The following DIP2C variants were observed in gnomAD, a reference collection of about 807,000 sequenced individuals.
The protein encoded by DIP2C is disco-interacting protein 2 homolog C.
A neutral mutation model predicts 192.4 loss-of-function variants in DIP2C; 33 were observed. The observed-to-expected ratio is 0.17, with a 90% CI of 0.13 to 0.23. DIP2C has a LOEUF of 0.23. Ranked by LOEUF, DIP2C falls within the 10% of genes least tolerant of loss-of-function variation. DIP2C has a pLI of 1.00. For synonymous variants in DIP2C, 979 were observed against 864.1 expected, an observed-to-expected ratio of 1.13 and a Z score of -2.33; for missense variants, 1,537 against 2,110.1, an observed-to-expected ratio of 0.73 and a Z score of 5.32.
At chr10:445,225 A>G (rs1255776724) in intron 3 of DIP2C, among the ~76,000 whole-genome samples, 1 of 151,412 alleles carries the variant, frequency 6.6e-6, no homozygotes, top group Non-Finnish European at 1.5e-5. Flanking sequence ...GGGCATCTGT[A>G]TACAACTGTT....
At chr10:572,982 C>G (rs1432235364) in intron 1 of DIP2C, among the ~76,000 whole-genome samples, 2 of 152,116 alleles carry the variant, frequency 1.3e-5, no homozygotes, top group Non-Finnish European at 2.9e-5. Context: ...GACAGGGCTA[C>G]CCAACTGCGG....
intron 3 of DIP2C, among the ~76,000 whole-genome samples, chr10:461,476 G>A (rs144549904): frequency 6.6e-6 from 1 of 151,998 alleles, no homozygotes; most frequent in Non-Finnish European, 1.5e-5. Flanking sequence ...AATACAACAA[G>A]AAGGGCCAAC....
chr10:292,987 G>A (rs536129084), intron 32 of DIP2C, among the ~76,000 whole-genome samples: 76 of 152,336 alleles, frequency 5.0e-4, no homozygotes, highest in Admixed American at 7.8e-4. Context: ...AAACAACCAA[G>A]AAACAAATAG....
chr10:354,668 G>GC (rs1958991401), intron 24 of DIP2C, among the ~76,000 whole-genome samples: 1 of 152,096 alleles, frequency 6.6e-6, no homozygotes, highest in South Asian at 2.1e-4. Flanking sequence ...AGCTGACTCT[G>GC]CCCCTGACTG....
chr10:337,648 CGTAG>C (rs1957911039), intron 29 of DIP2C, among the ~76,000 whole-genome samples: 1 of 117,612 alleles, frequency 8.5e-6, no homozygotes, highest in Admixed American at 9.5e-5. Flanking sequence ...GTTGTGGAGG[CGTAG>C]GCCGGTGTGT....
chr10:546,192 G>C (rs916921122), intron 1 of DIP2C, among the ~76,000 whole-genome samples: 1 of 150,078 alleles, frequency 6.7e-6, no homozygotes, highest in Non-Finnish European at 1.5e-5. Flanking sequence ...TGAGGCAGGA[G>C]AATCACTTGA....
chr10:509,702 A>G (rs181191527), intron 1 of DIP2C, among the ~76,000 whole-genome samples: 53 of 152,342 alleles, frequency 3.5e-4, no homozygotes, highest in African/African-American at 1.2e-3. Flanking sequence ...CATGAGACAC[A>G]GGACACCTCA....
chr10:425,432 C>T lies in DIP2C; in HGVS notation c.395-2399G>A, dbSNP rs565086999. On this transcript the variant is annotated intron_variant, in intron 4 of 36. Transcript: ENST00000280886. The stretch of plus-strand genomic sequence containing the variant: ...GATGATACGGCATGACCAGCAGTGA[C>T]TAATATGACACGGATGATACAGCAT... 2.1e-3 allele frequency among the ~76,000 whole-genome samples: 313 copies of T among 148,984 alleles called. 2 individuals carry two copies. The highest frequency in any genetic ancestry group is 7.6e-3 in the African/African-American group (303 of 39,972).
chr10:509,413 C>T (rs1845857106), intron 1 of DIP2C, among the ~76,000 whole-genome samples: 1 of 152,190 alleles, frequency 6.6e-6, no homozygotes, highest in Non-Finnish European at 1.5e-5. Flanking sequence ...CTGGATCCAT[C>T]CGCGCTGCTC....
chr10:499,010 G>A (rs1845046379), intron 1 of DIP2C, among the ~76,000 whole-genome samples: 2 of 152,158 alleles, frequency 1.3e-5, no homozygotes, highest in Admixed American at 1.3e-4. Flanking sequence ...CTTTCCTTGA[G>A]GAATTCTCAA....
At chr10:535,354 G>A (rs1350963165) in intron 1 of DIP2C, among the ~76,000 whole-genome samples, 1 of 151,538 alleles carries the variant, frequency 6.6e-6, no homozygotes, top group Non-Finnish European at 1.5e-5. Flanking sequence ...ACTCTCATCT[G>A]ACATGCTCCG....
At chr10:592,178 G>A (rs1471772010) in intron 1 of DIP2C, among the ~76,000 whole-genome samples, 1 of 152,166 alleles carries the variant, frequency 6.6e-6, no homozygotes, top group Non-Finnish European at 1.5e-5. Flanking sequence ...TTAATATAAA[G>A]TGAATTCCAA....
chr10:311,590 C>A lies in DIP2C; in HGVS notation c.3925-1498G>T, dbSNP rs561172883. On this transcript the variant is annotated intron_variant, in intron 31 of 36. Transcript: ENST00000280886. ...GGCTACAGCAGCAGAAGGGTGAGGA[C>A]GAGAAGAGAGGAGAGAACACCAGAC... 5.7e-6 allele frequency: 7 copies of A among 1,231,590 alleles called. No individual in the cohort carries two copies. The African/African-American group carries it at 1.1e-4, about 19-fold the overall frequency. The allele number at this position is 1,231,590 out of a possible 1,614,324, so 76.3% of individuals were successfully genotyped here. A position where few individuals can be genotyped will look rare whatever the true frequency, so the allele number is the denominator to read the frequency against.
intron 9 of DIP2C, 27 bp from the exon 10 acceptor site, chr10:399,246 C>T: frequency 3.1e-6 from 5 of 1,597,252 alleles, no homozygotes; most frequent in Non-Finnish European, 4.3e-6. Flanking sequence ...AGCGGGTCAG[C>T]ATTAACGTGG....
intron 29 of DIP2C, 106 bp from the exon 30 acceptor site, chr10:329,707 G>T (rs544472032): frequency 1.4e-6 from 2 of 1,392,718 alleles, no homozygotes; most frequent in South Asian, 1.5e-5. Context: ...GGAGGACTTG[G>T]AACAGCCCGT....
chr10:379,084 C>T (rs1383081535), intron 17 of DIP2C, among the ~76,000 whole-genome samples: 1 of 152,002 alleles, frequency 6.6e-6, no homozygotes, highest in East Asian at 1.9e-4. Context: ...GACCTGCCTG[C>T]AGCGCTGGGC....
Position 555,203 on chromosome 10 carries a change from C to T in DIP2C, c.86-68673G>A, listed in dbSNP as rs79332161. Reference sequence around the variant, plus strand: ...TTCTTCAGTATTATTTTTTTTTTTTCCCAAGCCATTACTGAGGTCTCTCCT... The same window carrying T: ...TTCTTCAGTATTATTTTTTTTTTTTTCCAAGCCATTACTGAGGTCTCTCCT... On this transcript the variant is annotated intron_variant, in intron 1 of 36. Coordinates refer to ENST00000280886, the MANE Select transcript of DIP2C (RefSeq NM_014974.3). 0.018 allele frequency among the ~76,000 whole-genome samples: 1,463 copies of T among 83,354 alleles called. 32 individuals carry two copies. In the African/African-American group the frequency reaches 0.19, roughly 11 times the overall value. 54.7% of individuals were successfully genotyped at this position (83,354 alleles called of 152,430 possible). A position where few individuals can be genotyped will look rare whatever the true frequency, so the allele number is the denominator to read the frequency against.
chr10:616,244 C>G (rs1370168977), intron 1 of DIP2C, among the ~76,000 whole-genome samples: 1 of 152,180 alleles, frequency 6.6e-6, no homozygotes, highest in East Asian at 1.9e-4. Flanking sequence ...CAATCCGATA[C>G]AAAATTTAAA....
intron 1 of DIP2C, among the ~76,000 whole-genome samples, chr10:591,548 A>G (rs572465297): frequency 4.2e-4 from 64 of 152,344 alleles, no homozygotes; most frequent in African/African-American, 1.5e-3. Context: ...ATAAAACATC[A>G]TGTTTAAAAA....
Sources: allele counts gnomAD v4.1 joint callset (sites outside exome capture counted in the v4.1 genomes callset), GRCh38; gene constraint gnomAD v4.1.1; transcripts MANE v1.5; gene names NCBI Gene and HGNC (gene_info 2026-07-23, HGNC 2026-07-21).